The following RAB25 variants were observed in gnomAD, a reference collection of about 807,000 sequenced individuals.
RAB25 encodes RAB25, member RAS oncogene family.
In RAB25, 23 loss-of-function variants were observed where a neutral mutation model predicts 25.2. That is an observed-to-expected ratio of 0.91 (90% CI 0.66 to 1.29). The LOEUF (loss-of-function observed/expected upper bound fraction) is 1.29. RAB25 is among the 50% of genes most tolerant of loss of function. The pLI is 0.00. For missense variants in RAB25, 244 were observed against 277.3 expected, an observed-to-expected ratio of 0.88 and a Z score of 0.85; for synonymous variants, 102 against 111.5, an observed-to-expected ratio of 0.91 and a Z score of 0.54.
intron 1 of RAB25, 144 bp downstream of exon 1, chr1:156,061,587 G>A: frequency 1.2e-6 from 1 of 857,700 alleles, no homozygotes. Flanking sequence ...AAGCTGCAGG[G>A]AGTGGGGGAG....
chr1:156,064,177 C>T (rs1647672018), intron 1 of RAB25, among the ~76,000 whole-genome samples: 1 of 152,182 alleles, frequency 6.6e-6, no homozygotes, highest in African/African-American at 2.4e-5. Context: ...CTTACCCACA[C>T]ATATCCATAT....
Position 156,066,006 on chromosome 1 carries a change from G to GT in RAB25, c.141dup (p.Glu48Ter). On this transcript the variant is annotated frameshift_variant, in exon 2 of 5. Transcript: ENST00000361084. LOFTEE classifies it high-confidence loss of function. ...CCACGACAGCCGCACCACCATCGGG[G>GT]TTGAGTTCTCCACCCGCACTGTGAT... 8.1e-6 allele frequency: 13 copies of GT among 1,614,014 alleles called. No homozygotes were observed. The highest frequency in any genetic ancestry group is 1.1e-5 in the Non-Finnish European group (13 of 1,179,898).
intron 1 of RAB25, among the ~76,000 whole-genome samples, chr1:156,063,047 C>A (rs868861645): frequency 1.4e-4 from 17 of 125,218 alleles, no homozygotes; most frequent in African/African-American, 4.9e-4. Flanking sequence ...GAGCAAGACT[C>A]TGTCTAAAAA....
chr1:156,068,521 C>T, intron 3 of RAB25, 58 bp downstream of exon 3: 4 of 1,548,478 alleles, frequency 2.6e-6, no homozygotes, highest in African/African-American at 1.4e-5. Context: ...CTTTCCCTTG[C>T]AGTCTCCCAG....
At chr1:156,063,409 C>A (rs923499854) in intron 1 of RAB25, among the ~76,000 whole-genome samples, 1 of 152,142 alleles carries the variant, frequency 6.6e-6, no homozygotes, top group African/African-American at 2.4e-5. Flanking sequence ...CCTAGGCCTC[C>A]CAAAGTGCTG....
At chr1:156,066,638 A>G (rs963224965) in intron 2 of RAB25, among the ~76,000 whole-genome samples, 2 of 152,126 alleles carry the variant, frequency 1.3e-5, no homozygotes, top group Non-Finnish European at 2.9e-5. Flanking sequence ...TCCTGACACC[A>G]CATCCGAAGT....
At chr1:156,069,216 C>CCG (rs1647836723) in intron 3 of RAB25, among the ~76,000 whole-genome samples, 1 of 152,142 alleles carries the variant, frequency 6.6e-6, no homozygotes, top group Non-Finnish European at 1.5e-5. Context: ...GAGTCTCGCT[C>CCG]CGTCACCCAG....
At position 156,066,002 on chromosome 1, in the gene RAB25, C is replaced by T. The variant is rs890901051; in HGVS notation, c.135C>T (p.Ile45=). 5 of 1,613,954 alleles carry T rather than the reference C, an allele frequency of 3.1e-6. No individual in the cohort carries two copies. In the South Asian group the frequency reaches 5.5e-5, roughly 18 times the overall value. Residue 45 remains isoleucine, a synonymous_variant, in exon 2 of 5, where the codon ATC becomes ATT. Transcript: ENST00000361084. ...TCAGCCACGACAGCCGCACCACCAT[C>T]GGGGTTGAGTTCTCCACCCGCACTG... is the stretch of plus-strand genomic sequence containing the variant. The part of the protein sequence containing the change: ...NEFSHDSRTT[I]GVEFSTRTVM...
chr1:156,065,780 C>A, intron 1 of RAB25, 131 bp from the exon 2 acceptor site: 2 of 684,038 alleles, frequency 2.9e-6, no homozygotes, highest in East Asian at 2.9e-5. Flanking sequence ...ACTCCAGTCT[C>A]ACAGGAGACT....
At chr1:156,061,887 C>A (rs1167908213) in intron 1 of RAB25, among the ~76,000 whole-genome samples, 1 of 152,124 alleles carries the variant, frequency 6.6e-6, no homozygotes, top group African/African-American at 2.4e-5. Context: ...TGGGTTCAAG[C>A]GATTCTTCTG....
intron 3 of RAB25, among the ~76,000 whole-genome samples, chr1:156,069,108 G>C (rs1647834760): frequency 6.6e-6 from 1 of 152,176 alleles, no homozygotes; most frequent in South Asian, 2.1e-4. Context: ...GGGTGTTCTG[G>C]AGTCCCATGG....
intron 4 of RAB25, 68 bp from the exon 5 acceptor site, chr1:156,070,092 G>A: frequency 6.2e-7 from 1 of 1,612,366 alleles, no homozygotes; most frequent in Non-Finnish European, 8.5e-7. Flanking sequence ...GTATGTATGG[G>A]GGGGTTGGGG....
chr1:156,070,036 ACCT>A, intron 4 of RAB25, 121 bp from the exon 5 acceptor site: 1 of 1,464,104 alleles, frequency 6.8e-7, no homozygotes, highest in East Asian at 2.3e-5. Context: ...TTCCTGCAAA[ACCT>A]CCTGCAAGTG....
chr1:156,069,887 C>G, intron 4 of RAB25, 136 bp downstream of exon 4: 1 of 896,328 alleles, frequency 1.1e-6, no homozygotes, highest in South Asian at 1.5e-5. Context: ...ACTGCCTGTC[C>G]CCCTCAGTCC....
chr1:156,068,174 C>A, intron 2 of RAB25, 96 bp from the exon 3 acceptor site: 3 of 1,134,044 alleles, frequency 2.6e-6, no homozygotes, highest in Non-Finnish European at 3.9e-6. Context: ...ATCTCTAGTA[C>A]TCTGATCCCG....
intron 2 of RAB25, among the ~76,000 whole-genome samples, chr1:156,066,651 C>T (rs1647753988): frequency 6.6e-6 from 1 of 152,226 alleles, no homozygotes; most frequent in Admixed American, 6.5e-5. Context: ...TCCGAAGTGT[C>T]TCTTAGGCCG....
At chr1:156,065,507 G>A (rs987923492) in intron 1 of RAB25, among the ~76,000 whole-genome samples, 2 of 152,086 alleles carry the variant, frequency 1.3e-5, no homozygotes, top group African/African-American at 4.8e-5. Flanking sequence ...AGAGACAAGT[G>A]CAATGTTCTC....
intron 2 of RAB25, 31 bp downstream of exon 2, chr1:156,066,137 G>A (rs1647737982): frequency 2.0e-6 from 3 of 1,502,784 alleles, no homozygotes; most frequent in African/African-American, 1.4e-5. Context: ...CTGCTGGGTG[G>A]TGGGAGTTCT....
rs1164103438 is a variant in RAB25, at chr1:156,068,213, A to G, written c.240-57A>G. ...GTTCCAGCTTGACGGCTCTGCTCTG[A>G]TGCTGGGTCCAATGCCTCTGATCGT... On this transcript the variant is annotated intron_variant, in intron 2 of 4. Coordinates refer to ENST00000361084, the MANE Select transcript of RAB25 (RefSeq NM_020387.4). 6 of 1,454,916 alleles carry G rather than the reference A, an allele frequency of 4.1e-6. No individual in the cohort carries two copies. In the African/African-American group the frequency reaches 8.4e-5, roughly 20 times the overall value. 90.1% of individuals were successfully genotyped at this position (1,454,916 alleles called of 1,614,324 possible). A position where few individuals can be genotyped will look rare whatever the true frequency, so the allele number is the denominator to read the frequency against.
Sources: allele counts gnomAD v4.1 joint callset (sites outside exome capture counted in the v4.1 genomes callset), GRCh38; gene constraint gnomAD v4.1.1; transcripts MANE v1.5; gene names NCBI Gene and HGNC (gene_info 2026-07-23, HGNC 2026-07-21).